The following MAML2 variants were observed in gnomAD, a reference collection of about 807,000 sequenced individuals.
MAML2 encodes mastermind-like protein 2.
A neutral mutation model predicts 96.1 loss-of-function variants in MAML2; 22 were observed. That is an observed-to-expected ratio of 0.23 (90% CI 0.16 to 0.33). The LOEUF is 0.33. Among genes scored for constraint, MAML2 ranks in the 10% least tolerant of loss-of-function variants. The probability of loss-of-function intolerance (pLI) is 1.00; values close to 1 mark genes in which losing one functional copy is unlikely to be tolerated. For synonymous variants in MAML2, 561 were observed against 521.3 expected (o/e 1.08, Z -1.04); for missense variants, 1,367 against 1,392.4 (o/e 0.98, Z 0.29).
intron 2 of MAML2, among the ~76,000 whole-genome samples, chr11:96,022,577 G>C (rs978719248): frequency 2.0e-5 from 3 of 149,406 alleles, no homozygotes; most frequent in Non-Finnish European, 4.5e-5. Context: ...CACTGTCCCT[G>C]TCTATCTGTC....
chr11:96,254,448 G>C (rs1340391525), intron 1 of MAML2, among the ~76,000 whole-genome samples: 1 of 148,766 alleles, frequency 6.7e-6, no homozygotes, highest in Non-Finnish European at 1.5e-5. Context: ...AGTAGGGCTA[G>C]TAGTTCAAGT....
intron 1 of MAML2, among the ~76,000 whole-genome samples, chr11:96,106,721 A>G (rs1007983815): frequency 2.6e-5 from 4 of 152,240 alleles, no homozygotes; most frequent in African/African-American, 9.6e-5. Flanking sequence ...ACAATGCAGG[A>G]CAGATTTAAA....
intron 1 of MAML2, among the ~76,000 whole-genome samples, chr11:96,179,936 G>A (rs1331513294): frequency 1.3e-5 from 2 of 152,156 alleles, no homozygotes; most frequent in African/African-American, 2.4e-5. Flanking sequence ...TAGCCACAAG[G>A]GCTCCAGACA....
intron 1 of MAML2, among the ~76,000 whole-genome samples, chr11:96,239,261 C>T (rs1025521542): frequency 1.3e-4 from 20 of 152,184 alleles, no homozygotes; most frequent in Admixed American, 6.5e-4. Context: ...AGAAAAAGCT[C>T]TAGGTTCCAG....
At chr11:96,259,869 T>C (rs925708868) in intron 1 of MAML2, among the ~76,000 whole-genome samples, 2 of 152,144 alleles carry the variant, frequency 1.3e-5, no homozygotes, top group African/African-American at 4.8e-5. Context: ...GTGTCTTTAA[T>C]CTTTTTATGG....
chr11:96,311,536 G>A (rs1479009805), intron 1 of MAML2, among the ~76,000 whole-genome samples: 1 of 152,196 alleles, frequency 6.6e-6, no homozygotes, highest in African/African-American at 2.4e-5. Context: ...AGAGATGGCG[G>A]TACCTAGATA....
chr11:96,118,240 C>A (rs1860276892), intron 1 of MAML2, among the ~76,000 whole-genome samples: 1 of 152,182 alleles, frequency 6.6e-6, no homozygotes, highest in African/African-American at 2.4e-5. Context: ...TTCCCAACTG[C>A]AATGTCCAGC....
chr11:96,266,297 G>T (rs548536186), intron 1 of MAML2, among the ~76,000 whole-genome samples: 1 of 152,208 alleles, frequency 6.6e-6, no homozygotes, highest in East Asian at 1.9e-4. Flanking sequence ...TTGGCCAGGC[G>T]TGGTGGCTCA....
chr11:96,311,894 G>GCA lies in MAML2; in HGVS notation c.513+29487_513+29488dup, dbSNP rs375615768. ...AAAGATATCCTTCTTTGCCAGTGTA[G>GCA]CATGTAACAATAATAAAGCTATAGC... is the stretch of plus-strand genomic sequence containing the variant. On this transcript the variant is annotated intron_variant, in intron 1 of 4. Coordinates refer to ENST00000524717, the MANE Select transcript of MAML2 (RefSeq NM_032427.4). 6.3e-3 allele frequency among the ~76,000 whole-genome samples: 962 copies of GCA among 152,164 alleles called. 5 individuals are homozygous for GCA. The highest frequency in any genetic ancestry group is 0.011 in the South Asian group (54 of 4,824).
chr11:96,034,432 T>TGTGTGTGTGA (rs549312275), intron 2 of MAML2, among the ~76,000 whole-genome samples: 37 of 135,746 alleles, frequency 2.7e-4, no homozygotes, highest in African/African-American at 1.1e-3. Context: ...TGTGTGTGTG[T>TGTGTGTGTGA]GAGAGAGAGA....
chr11:96,275,866 C>T (rs751800263), intron 1 of MAML2, among the ~76,000 whole-genome samples: 2 of 152,134 alleles, frequency 1.3e-5, no homozygotes, highest in Non-Finnish European at 2.9e-5. Context: ...TCATCAATGT[C>T]GTTAGCTCTT....
intron 1 of MAML2, among the ~76,000 whole-genome samples, chr11:96,319,025 G>T (rs1379839411): frequency 6.6e-6 from 1 of 152,234 alleles, no homozygotes; most frequent in Admixed American, 6.5e-5. Context: ...CGGCAGAAGA[G>T]AAAATGTGTG....
chr11:96,218,024 A>C (rs483333), intron 1 of MAML2, among the ~76,000 whole-genome samples: 31,380 of 152,238 alleles, frequency 0.21, 3,491 homozygotes, highest in East Asian at 0.27. Context: ...ATTCTCTCAA[A>C]GTACATTTCT....
chr11:96,258,098 T>C (rs896405499), intron 1 of MAML2, among the ~76,000 whole-genome samples: 2 of 152,252 alleles, frequency 1.3e-5, no homozygotes, highest in Middle Eastern at 3.2e-3. Flanking sequence ...TTTGGTCCTA[T>C]TCATCAAAAT....
At chr11:95,995,997 G>T (rs1037132265) in intron 2 of MAML2, among the ~76,000 whole-genome samples, 2 of 152,210 alleles carry the variant, frequency 1.3e-5, no homozygotes, top group African/African-American at 4.8e-5. Flanking sequence ...CCCAGATCAT[G>T]GCATACATTT....
At chr11:96,247,682 C>A (rs1274800515) in intron 1 of MAML2, among the ~76,000 whole-genome samples, 2 of 152,104 alleles carry the variant, frequency 1.3e-5, no homozygotes, top group African/African-American at 4.8e-5. Context: ...GCCAATGGTG[C>A]TATACCCATT....
intron 2 of MAML2, among the ~76,000 whole-genome samples, chr11:96,033,505 G>A (rs893722521): frequency 5.3e-5 from 8 of 152,248 alleles, no homozygotes; most frequent in Non-Finnish European, 1.0e-4. Flanking sequence ...TTCAGAGACT[G>A]TGAGCTCCTT....
At chr11:95,987,104 T>C (rs1205223993) in intron 3 of MAML2, among the ~76,000 whole-genome samples, 1 of 152,136 alleles carries the variant, frequency 6.6e-6, no homozygotes, top group Non-Finnish European at 1.5e-5. Context: ...TGGGGCTTTG[T>C]TCTAGATTGG....
intron 1 of MAML2, among the ~76,000 whole-genome samples, chr11:96,315,254 G>T (rs1863613356): frequency 6.6e-6 from 1 of 152,096 alleles, no homozygotes; most frequent in Non-Finnish European, 1.5e-5. Context: ...CGGTGCCAAT[G>T]GATAATTTGT....
Sources: gnomAD v4.1 joint callset for allele counts (sites outside exome capture counted in the v4.1 genomes callset) on GRCh38, gnomAD v4.1.1 for gene constraint, MANE v1.5 for transcripts, NCBI Gene and HGNC (gene_info 2026-07-23, HGNC 2026-07-21) for gene names.